The following SRPK2 variants were observed in gnomAD, a reference collection of about 807,000 sequenced individuals.
SRPK2 encodes the protein SFRS protein kinase 2.
A neutral mutation model predicts 90.8 loss-of-function variants in SRPK2; 21 were observed. The observed-to-expected ratio is 0.23, with a 90% CI of 0.16 to 0.33. SRPK2 has a LOEUF of 0.33. Ranked by LOEUF, SRPK2 falls within the 10% of genes least tolerant of loss-of-function variation. SRPK2 has a pLI of 1.00. For missense variants in SRPK2, 620 were observed against 869.0 expected, an observed-to-expected ratio of 0.71 and a Z score of 3.60; for synonymous variants, 288 against 311.1, an observed-to-expected ratio of 0.93 and a Z score of 0.78.
At chr7:105,385,756 A>C (rs536478517) in intron 2 of SRPK2, among the ~76,000 whole-genome samples, 36 of 152,290 alleles carry the variant, frequency 2.4e-4, no homozygotes, top group Admixed American at 8.5e-4. Flanking sequence ...TGGGCATGTT[A>C]CTTACTTTTC....
intron 2 of SRPK2, among the ~76,000 whole-genome samples, chr7:105,233,171 T>C (rs1398123177): frequency 1.7e-5 from 2 of 116,502 alleles, no homozygotes; most frequent in Non-Finnish European, 3.8e-5. Context: ...AAGGAAGGAG[T>C]TTAATGAAGG....
intron 6 of SRPK2, among the ~76,000 whole-genome samples, chr7:105,165,234 T>C (rs1260590098): frequency 6.6e-5 from 10 of 152,148 alleles, no homozygotes; most frequent in Non-Finnish European, 4.4e-5. Context: ...ATTCACTTCC[T>C]CCTGAGTCCC....
intron 2 of SRPK2, among the ~76,000 whole-genome samples, chr7:105,242,605 T>A (rs2129624837): frequency 6.6e-6 from 1 of 152,306 alleles, no homozygotes; most frequent in South Asian, 2.1e-4. Flanking sequence ...ATTATTAGGT[T>A]CTGCAATATA....
At chr7:105,300,775 T>C (rs971970544) in intron 2 of SRPK2, among the ~76,000 whole-genome samples, 1 of 152,152 alleles carries the variant, frequency 6.6e-6, no homozygotes, top group Non-Finnish European at 1.5e-5. Context: ...ATGCTCATCA[T>C]CACTAGTCAT....
chr7:105,254,449 T>A (rs559498357), intron 2 of SRPK2, among the ~76,000 whole-genome samples: 1 of 152,326 alleles, frequency 6.6e-6, no homozygotes, highest in African/African-American at 2.4e-5. Flanking sequence ...CACAAGTGAT[T>A]CCATTTCTAA....
rs1374024070 is a variant in SRPK2, at chr7:105,388,641, G to C, written c.71+7C>G. 1 of 1,586,690 alleles carries C rather than the reference G, an allele frequency of 6.3e-7. No individual in the cohort carries two copies. The highest frequency in any genetic ancestry group is 8.6e-7 in the Non-Finnish European group (1 of 1,166,822). On this transcript the variant is annotated splice_region_variant and intron_variant, in intron 2 of 15. Coordinates refer to ENST00000393651, the MANE Select transcript of SRPK2 (RefSeq NM_182692.3). ...GGGGAACGGGGACAGGCGCAGCGTG[G>C]ACTCACTTTTTCGGATGTTTCTCTC...
rs559374594 is a variant in SRPK2 at position 105,375,382 on chromosome 7, A to G, written c.71+13266T>C. Among the ~76,000 whole-genome samples the G allele has an allele frequency of 2.0e-5, 3 of 152,314 alleles. No homozygotes were observed. In the South Asian group the frequency reaches 6.2e-4, roughly 32 times the overall value. Reference sequence around the variant, plus strand: ...GTATAAGAGAGCCCTTGCATTTCCAAAAACTGAAATGTAGTCAGGCCAAGC... The same window carrying G: ...GTATAAGAGAGCCCTTGCATTTCCAGAAACTGAAATGTAGTCAGGCCAAGC... On this transcript the variant is annotated intron_variant, in intron 2 of 15. Transcript: ENST00000393651.
chr7:105,301,436 G>C (rs1037347804), intron 2 of SRPK2: 1 of 744,924 alleles, frequency 1.3e-6, no homozygotes, highest in Non-Finnish European at 2.3e-6. Context: ...AAAGGGGGTC[G>C]CCGGGCCTCT....
intron 2 of SRPK2, among the ~76,000 whole-genome samples, chr7:105,265,598 T>C (rs1053810490): frequency 8.5e-5 from 13 of 152,186 alleles, no homozygotes; most frequent in Non-Finnish European, 1.8e-4. Flanking sequence ...AAGGGCAAAA[T>C]GAAGAAACGA....
At chr7:105,220,034 G>C (rs1797907146) in intron 2 of SRPK2, among the ~76,000 whole-genome samples, 1 of 152,176 alleles carries the variant, frequency 6.6e-6, no homozygotes, top group Admixed American at 6.5e-5. Context: ...CTACTTAGTA[G>C]GGAGAAGTTT....
At chr7:105,263,723 T>C (rs1336429028) in intron 2 of SRPK2, among the ~76,000 whole-genome samples, 1 of 151,986 alleles carries the variant, frequency 6.6e-6, no homozygotes, top group African/African-American at 2.4e-5. Flanking sequence ...TTGGCAAAGA[T>C]TTCTTAGGCA....
At chr7:105,310,618 G>A (rs909442672) in intron 2 of SRPK2, among the ~76,000 whole-genome samples, 9 of 151,394 alleles carry the variant, frequency 5.9e-5, no homozygotes, top group South Asian at 2.1e-4. Context: ...ACTCCAGCCC[G>A]GGTTAACATA....
intron 3 of SRPK2, among the ~76,000 whole-genome samples, chr7:105,200,728 C>A (rs1468666583): frequency 6.6e-6 from 1 of 152,088 alleles, no homozygotes; most frequent in Non-Finnish European, 1.5e-5. Flanking sequence ...TGTGGCATCC[C>A]AAATTGAGAA....
intron 2 of SRPK2, among the ~76,000 whole-genome samples, chr7:105,341,872 C>G (rs1010896754): frequency 6.6e-6 from 1 of 152,028 alleles, no homozygotes; most frequent in Non-Finnish European, 1.5e-5. Flanking sequence ...AACGCTGAGA[C>G]AGGAGAATCG....
At chr7:105,366,350 A>C (rs1203606821) in intron 2 of SRPK2, among the ~76,000 whole-genome samples, 3 of 146,436 alleles carry the variant, frequency 2.0e-5, no homozygotes, top group South Asian at 2.1e-4. Context: ...TAATTGTATT[A>C]GCATCTACAG....
chr7:105,364,947 T>C (rs1221452846), intron 2 of SRPK2, among the ~76,000 whole-genome samples: 4 of 152,160 alleles, frequency 2.6e-5, no homozygotes, highest in Non-Finnish European at 5.9e-5. Flanking sequence ...CAGGACTTCT[T>C]GTACAACCAA....
At chr7:105,255,757 C>T (rs1232244733) in intron 2 of SRPK2, among the ~76,000 whole-genome samples, 3 of 152,038 alleles carry the variant, frequency 2.0e-5, no homozygotes, top group Admixed American at 6.5e-5. Flanking sequence ...CATGGTGAAA[C>T]CCTTTCTCTA....
chr7:105,371,352 A>G (rs1337587896), intron 2 of SRPK2, among the ~76,000 whole-genome samples: 1 of 152,164 alleles, frequency 6.6e-6, no homozygotes, highest in Non-Finnish European at 1.5e-5. Flanking sequence ...ACAGTAATAA[A>G]TGTAATTTGC....
At chr7:105,255,840 G>A (rs1803200610) in intron 2 of SRPK2, among the ~76,000 whole-genome samples, 1 of 151,830 alleles carries the variant, frequency 6.6e-6, no homozygotes, top group African/African-American at 2.4e-5. Flanking sequence ...GTTGAGGCAG[G>A]AGACTTGCTT....
Sources: gnomAD v4.1 joint callset for allele counts (sites outside exome capture counted in the v4.1 genomes callset) on GRCh38, gnomAD v4.1.1 for gene constraint, MANE v1.5 for transcripts, NCBI Gene and HGNC (gene_info 2026-07-23, HGNC 2026-07-21) for gene names.